Variants in SIPA1L2 observed in about 807,000 individuals in gnomAD.
SIPA1L2 encodes signal-induced proliferation-associated 1-like protein 2.
In SIPA1L2, 56 loss-of-function variants were observed where a neutral mutation model predicts 163.9. The ratio of observed to expected loss-of-function variants is 0.34; its 90% CI spans 0.28 to 0.43. The LOEUF is 0.43. Among genes scored for constraint, SIPA1L2 ranks in the 20% least tolerant of loss-of-function variants. The probability of loss-of-function intolerance (pLI) is 1.00; values close to 1 mark genes in which losing one functional copy is unlikely to be tolerated. For missense variants in SIPA1L2, 1,974 were observed against 2,193.5 expected (o/e 0.90, Z 2.00); for synonymous variants, 877 against 865.7 (o/e 1.01, Z -0.23).
At chr1:232,625,382 T>C (rs1291212421) in intron 1 of SIPA1L2, among the ~76,000 whole-genome samples, 1 of 152,132 alleles carries the variant, frequency 6.6e-6, no homozygotes, top group Non-Finnish European at 1.5e-5. Flanking sequence ...TGCCAAATAA[T>C]ATAATCAAAT....
At chr1:232,444,091 C>G (rs1663065455) in intron 11 of SIPA1L2, among the ~76,000 whole-genome samples, 1 of 152,058 alleles carries the variant, frequency 6.6e-6, no homozygotes, top group African/African-American at 2.4e-5. Flanking sequence ...AAAACTTATG[C>G]AAAAAGAAAA....
intron 1 of SIPA1L2, among the ~76,000 whole-genome samples, chr1:232,597,981 TG>T (rs1273385806): frequency 6.6e-6 from 1 of 152,196 alleles, no homozygotes; most frequent in Non-Finnish European, 1.5e-5. Flanking sequence ...GAGCCAAGAC[TG>T]AATGTGAAAC....
chr1:232,629,370 G>C lies in SIPA1L2; in HGVS notation c.-319+499C>G, dbSNP rs997053758. 2.0e-5 allele frequency among the ~76,000 whole-genome samples: 3 copies of C among 152,226 alleles called. No individual in the cohort carries two copies. The East Asian group carries it at 5.8e-4, about 29-fold the overall frequency. ...CGGTGAGTGAGAAGAGCGCTCGCCG[G>C]AGGCTCCCGGTCTTACAAAGAGGGA... On this transcript the variant is annotated intron_variant, in intron 1 of 22. Transcript: ENST00000674635.
At chr1:232,538,692 C>T (rs1657459619) in intron 2 of SIPA1L2, among the ~76,000 whole-genome samples, 1 of 150,632 alleles carries the variant, frequency 6.6e-6, no homozygotes, top group Admixed American at 6.6e-5. Context: ...GACCCCCCCT[C>T]CCCCACTATA....
intron 3 of SIPA1L2, among the ~76,000 whole-genome samples, chr1:232,493,873 T>C (rs945544475): frequency 1.4e-4 from 21 of 152,208 alleles, no homozygotes; most frequent in Admixed American, 1.4e-3. Flanking sequence ...TCATTCTGCT[T>C]TTCACTAGTT....
At chr1:232,479,437 G>A (rs571141491) in intron 7 of SIPA1L2, among the ~76,000 whole-genome samples, 190 bp downstream of exon 7, 4 of 152,198 alleles carry the variant, frequency 2.6e-5, no homozygotes, top group Non-Finnish European at 4.4e-5. Flanking sequence ...AGTTTTATAC[G>A]AAAAAAGTGC....
At chr1:232,441,156 T>C (rs1420131260) in intron 14 of SIPA1L2, 135 bp downstream of exon 14, 2 of 660,060 alleles carry the variant, frequency 3.0e-6, no homozygotes, top group Non-Finnish European at 4.9e-6. Context: ...ATAGTTTCCT[T>C]TTTTAACCTC....
intron 7 of SIPA1L2, among the ~76,000 whole-genome samples, chr1:232,474,210 A>G (rs553750573): frequency 6.6e-6 from 1 of 152,322 alleles, no homozygotes; most frequent in South Asian, 2.1e-4. Flanking sequence ...AGCTAATGAC[A>G]ATTTTCAGTG....
chr1:232,528,103 A>ATATATATATATCG lies in SIPA1L2; in HGVS notation c.-269-12496_-269-12495insCGATATATATATA, dbSNP rs1558246735. Among the ~76,000 whole-genome samples, 351 of 51,706 alleles carry ATATATATATATCG rather than the reference A, an allele frequency of 6.8e-3. 7 individuals are homozygous for ATATATATATATCG. Among genetic ancestry groups the ATATATATATATCG allele is most frequent in the African/African-American group, 0.027 (339 of 12,772 alleles). The allele number at this position is 51,706 out of a possible 152,430, so 33.9% of individuals were successfully genotyped here. ...TTATATATATATATATATATATATAATCAACTTTCTAAAAACCACAGGTAG... is the reference window on the plus strand; with the variant it reads ...TTATATATATATATATATATATATAATATATATATATCGTCAACTTTCTAAAAACCACAGGTAG... On this transcript the variant is annotated intron_variant, in intron 2 of 22. Transcript: ENST00000674635.
intron 2 of SIPA1L2, among the ~76,000 whole-genome samples, chr1:232,524,617 C>T (rs1323044186): frequency 1.3e-5 from 2 of 152,100 alleles, no homozygotes; most frequent in African/African-American, 4.8e-5. Context: ...ACAGTCTTAA[C>T]AGTCAGTGAT....
chr1:232,414,827 G>A (rs1324175413), intron 19 of SIPA1L2, among the ~76,000 whole-genome samples: 2 of 152,208 alleles, frequency 1.3e-5, no homozygotes, highest in African/African-American at 2.4e-5. Context: ...GAGGCTGCAC[G>A]TGAAGCAAGC....
chr1:232,428,102 A>C (rs1299922035), intron 17 of SIPA1L2, among the ~76,000 whole-genome samples: 1 of 152,212 alleles, frequency 6.6e-6, no homozygotes, highest in Non-Finnish European at 1.5e-5. Context: ...ATTGAGGTCA[A>C]GAGGCCAAGT....
At chr1:232,518,699 T>G (rs1438668244) in intron 2 of SIPA1L2, among the ~76,000 whole-genome samples, 1 of 152,116 alleles carries the variant, frequency 6.6e-6, no homozygotes, top group African/African-American at 2.4e-5. Context: ...TCCCATGGTG[T>G]CCTCTACTTC....
chr1:232,589,294 A>G (rs1660844664), intron 1 of SIPA1L2, among the ~76,000 whole-genome samples: 1 of 152,210 alleles, frequency 6.6e-6, no homozygotes, highest in Admixed American at 6.5e-5. Flanking sequence ...ATCTTCCATC[A>G]ATTTCCCAAA....
chr1:232,417,218 C>CA (rs1661313591), intron 18 of SIPA1L2, among the ~76,000 whole-genome samples: 1 of 152,180 alleles, frequency 6.6e-6, no homozygotes, highest in African/African-American at 2.4e-5. Flanking sequence ...AGGAGACCGA[C>CA]AGACTTTTTT....
At chr1:232,401,008 C>T (rs984763545) in intron 22 of SIPA1L2, among the ~76,000 whole-genome samples, 1 of 152,194 alleles carries the variant, frequency 6.6e-6, no homozygotes, top group Non-Finnish European at 1.5e-5. Context: ...ACCAACACCT[C>T]CAACCCAGCC....
At chr1:232,536,820 A>T (rs1015881490) in intron 2 of SIPA1L2, among the ~76,000 whole-genome samples, 4 of 152,194 alleles carry the variant, frequency 2.6e-5, no homozygotes, top group African/African-American at 9.7e-5. Flanking sequence ...TGAGGTGATA[A>T]AGAGTCAAAA....
rs148310091 is a variant in SIPA1L2, at chr1:232,503,292, T to C, written c.1484-9632A>G. ...GATGAGATTTAGTGCATTTCTGTGG[T>C]GCATTGTAACTGTTCAGTAAAGAAA... On this transcript the variant is annotated intron_variant, in intron 3 of 22. Transcript: ENST00000674635. 2.0e-5 allele frequency among the ~76,000 whole-genome samples: 3 copies of C among 152,260 alleles called. No individual in the cohort carries two copies. In the East Asian group the frequency reaches 5.8e-4, roughly 29 times the overall value.
intron 1 of SIPA1L2, among the ~76,000 whole-genome samples, chr1:232,594,970 T>C (rs1385914099): frequency 6.6e-6 from 1 of 152,158 alleles, no homozygotes; most frequent in Non-Finnish European, 1.5e-5. Flanking sequence ...GGCATCTGTT[T>C]TTGTTGTTGT....
Sources: allele counts gnomAD v4.1 joint callset (sites outside exome capture counted in the v4.1 genomes callset), GRCh38; gene constraint gnomAD v4.1.1; transcripts MANE v1.5; gene names NCBI Gene and HGNC (gene_info 2026-07-23, HGNC 2026-07-21).